Variants in INVS observed in about 807,000 individuals in gnomAD.
The protein encoded by INVS is inversin.
INVS carries 86 observed loss-of-function variants against 108.8 expected under a neutral mutation model. That is an observed-to-expected ratio of 0.79 (90% confidence interval 0.66 to 0.95). The LOEUF (loss-of-function observed/expected upper bound fraction) is 0.95. INVS is among the 40% of genes least tolerant of loss of function. INVS has a pLI of 0.00. For missense variants in INVS, 1,169 were observed against 1,297.4 expected (o/e 0.90, Z 1.52); for synonymous variants, 455 against 473.5 (o/e 0.96, Z 0.51).
At chr9:100,180,549 GACACA>G (rs2119070134) in intron 3 of INVS, among the ~76,000 whole-genome samples, 1 of 152,208 alleles carries the variant, frequency 6.6e-6, no homozygotes, top group Non-Finnish European at 1.5e-5. Context: ...TAAATTCCTG[GACACA>G]TACACCCTCC....
chr9:100,193,929 G>A (rs904822150), intron 3 of INVS, among the ~76,000 whole-genome samples: 1 of 152,182 alleles, frequency 6.6e-6, no homozygotes, highest in Non-Finnish European at 1.5e-5. Flanking sequence ...ACAGGCGTAA[G>A]CAACAGCACC....
rs11415703 is a variant in INVS at position 100,267,019 on chromosome 9, TAAAAA to T, written c.1571+2111_1571+2115del. Among the ~76,000 whole-genome samples the T allele has an allele frequency of 3.4e-3, 316 of 93,136 alleles. 1 individual carries two copies. The highest frequency in any genetic ancestry group is 0.011 in the African/African-American group (289 of 25,318). The allele number at this position is 93,136 out of a possible 152,430, so 61.1% of individuals were successfully genotyped here. The stretch of plus-strand genomic sequence containing the variant: ...CTGAAGATGTCTCCCTTTGAAACTC[TAAAAA>T]AAAAAAAAAAAAAAAAAAAGAAAGT... On this transcript the variant is annotated intron_variant, in intron 11 of 16. Coordinates refer to ENST00000262457, the MANE Select transcript of INVS (RefSeq NM_014425.5).
At chr9:100,293,149 T>C (rs906673411) in intron 14 of INVS, 106 bp downstream of exon 14, 3 of 1,031,332 alleles carry the variant, frequency 2.9e-6, no homozygotes, top group African/African-American at 1.6e-5. Context: ...TGTGGTGGCA[T>C]GGTAAGGCCA....
intron 5 of INVS, among the ~76,000 whole-genome samples, chr9:100,238,995 A>T (rs767628341): frequency 6.6e-6 from 1 of 152,238 alleles, no homozygotes; most frequent in Non-Finnish European, 1.5e-5. Flanking sequence ...ATACCAAATG[A>T]TTAATTTCTG....
At chr9:100,283,283 C>T (rs1399590951) in intron 12 of INVS, among the ~76,000 whole-genome samples, 1 of 152,094 alleles carries the variant, frequency 6.6e-6, no homozygotes, top group African/African-American at 2.4e-5. Flanking sequence ...TGCACTCTAG[C>T]CTAGGTAAAA....
At chr9:100,250,687 C>CA (rs1246718202) in intron 8 of INVS, among the ~76,000 whole-genome samples, 8 of 152,118 alleles carry the variant, frequency 5.3e-5, no homozygotes, top group Admixed American at 4.6e-4. Flanking sequence ...CTAATCAGAC[C>CA]ACCATCATTT....
chr9:100,298,548 G>T (rs1241930322), intron 16 of INVS, among the ~76,000 whole-genome samples: 2 of 151,996 alleles, frequency 1.3e-5, no homozygotes, highest in Non-Finnish European at 2.9e-5. Context: ...TGGGTGATAA[G>T]TTCATTGCTG....
chr9:100,172,008 T>G (rs2476442), intron 3 of INVS, among the ~76,000 whole-genome samples: 105,762 of 151,910 alleles, frequency 0.7, 37,926 homozygotes, highest in East Asian at 0.91. Context: ...TAAATTAATA[T>G]ATTTGAAAGG....
At position 100,119,648 on chromosome 9, in the gene INVS, C is replaced by T. The variant is rs548562650; in HGVS notation, c.107-6735C>T. On this transcript the variant is annotated intron_variant, in intron 2 of 16. Coordinates refer to ENST00000262457, the MANE Select transcript of INVS (RefSeq NM_014425.5). ...CTCAGCTTCACTGCAAGCTCTGCCT[C>T]CCGGGTTCACGCCATTCTCCTGCCG... Among the ~76,000 whole-genome samples the T allele has an allele frequency of 8.5e-4, 130 of 152,252 alleles. 1 individual carries two copies. Among genetic ancestry groups the T allele is most frequent in the Non-Finnish European group, 1.4e-3 (93 of 68,046 alleles).
chr9:100,230,343 T>C (rs936833453), intron 5 of INVS, among the ~76,000 whole-genome samples: 2 of 152,224 alleles, frequency 1.3e-5, no homozygotes, highest in African/African-American at 4.8e-5. Context: ...AATCTTGTGT[T>C]ATCATTCCCC....
At chr9:100,220,393 A>G (rs565195928) in intron 3 of INVS, among the ~76,000 whole-genome samples, 1 of 152,188 alleles carries the variant, frequency 6.6e-6, no homozygotes, top group African/African-American at 2.4e-5. Flanking sequence ...ATGAAAAACG[A>G]AAAAAAATTT....
chr9:100,152,265 C>G (rs1828831690), intron 3 of INVS, among the ~76,000 whole-genome samples: 1 of 152,188 alleles, frequency 6.6e-6, no homozygotes, highest in South Asian at 2.1e-4. Flanking sequence ...GACACTCAAT[C>G]AATGCTTGCT....
chr9:100,137,969 T>A (rs1828282816), intron 3 of INVS, among the ~76,000 whole-genome samples: 1 of 152,240 alleles, frequency 6.6e-6, no homozygotes, highest in African/African-American at 2.4e-5. Flanking sequence ...TTTTTTAACT[T>A]TAAAAAGAGT....
intron 3 of INVS, among the ~76,000 whole-genome samples, chr9:100,134,609 G>GT (rs910190215): frequency 2.6e-5 from 4 of 151,680 alleles, no homozygotes; most frequent in African/African-American, 9.7e-5. Context: ...AACATCTACT[G>GT]TTTTTTTATT....
At chr9:100,251,777 C>T (rs1051462491) in intron 8 of INVS, among the ~76,000 whole-genome samples, 4 of 152,150 alleles carry the variant, frequency 2.6e-5, no homozygotes, top group Admixed American at 2.6e-4. Flanking sequence ...GATGTGCGTG[C>T]TTTCAGTACC....
At chr9:100,260,742 T>TG in intron 10 of INVS, among the ~76,000 whole-genome samples, 1 of 152,178 alleles carries the variant, frequency 6.6e-6, no homozygotes, top group South Asian at 2.1e-4. Context: ...GGGGGAAGCT[T>TG]GGGGGGAGAT....
intron 3 of INVS, among the ~76,000 whole-genome samples, chr9:100,189,323 C>T (rs1405961704): frequency 6.6e-6 from 1 of 150,642 alleles, no homozygotes; most frequent in Non-Finnish European, 1.5e-5. Flanking sequence ...TGAAGTGTGA[C>T]AATAGGTTGT....
At chr9:100,100,740 T>A (rs557242373) in intron 1 of INVS, among the ~76,000 whole-genome samples, 1 of 48,762 alleles carries the variant, frequency 2.1e-5, no homozygotes, top group Non-Finnish European at 3.4e-5. Context: ...AATATATATA[T>A]TATATGTACA....
intron 3 of INVS, among the ~76,000 whole-genome samples, chr9:100,169,722 G>C (rs1488417279): frequency 6.6e-6 from 1 of 152,116 alleles, no homozygotes; most frequent in East Asian, 1.9e-4. Flanking sequence ...GAATAAAGGT[G>C]AGTTGACAGT....
Sources: gnomAD v4.1 joint callset for allele counts (sites outside exome capture counted in the v4.1 genomes callset) on GRCh38, gnomAD v4.1.1 for gene constraint, MANE v1.5 for transcripts, NCBI Gene and HGNC (gene_info 2026-07-23, HGNC 2026-07-21) for gene names.